RBFOX1: variants seen among roughly 807,000 people sequenced by gnomAD.
RBFOX1 encodes the protein RNA binding protein fox-1 homolog 1.
A neutral mutation model predicts 57.7 loss-of-function variants in RBFOX1; 8 were observed. The ratio of observed to expected loss-of-function variants is 0.14; its 90% CI spans 0.08 to 0.25. The LOEUF (loss-of-function observed/expected upper bound fraction) is 0.25, where lower values mean the gene tolerates loss of function less well. Among genes scored for constraint, RBFOX1 ranks in the 10% least tolerant of loss-of-function variants. RBFOX1 has a pLI of 1.00. For synonymous variants in RBFOX1, 326 were observed against 222.4 expected (o/e 1.47, Z -4.15); for missense variants, 611 against 548.5 (o/e 1.11, Z -1.14).
At chr16:6,185,870 G>T (rs1330554992) in intron 1 of RBFOX1, among the ~76,000 whole-genome samples, 20 of 152,262 alleles carry the variant, frequency 1.3e-4, no homozygotes. Context: ...ACATCCTAAA[G>T]AAGAAGGAAG....
intron 4 of RBFOX1, among the ~76,000 whole-genome samples, chr16:7,473,726 C>G (rs1043130994): frequency 5.3e-5 from 8 of 151,978 alleles, no homozygotes; most frequent in African/African-American, 1.9e-4. Flanking sequence ...TTCTGATTTA[C>G]TAGTATGCTC....
rs1248638526 is a variant in RBFOX1 at position 7,710,844 on chromosome 16, T to C, written c.*99T>C. 1.2e-6 allele frequency: 1 copy of C among 826,720 alleles called. No individual in the cohort carries two copies. The highest frequency in any genetic ancestry group is 1.6e-6 in the Non-Finnish European group (1 of 620,370). 51.2% of individuals were successfully genotyped at this position (826,720 alleles called of 1,614,324 possible). On this transcript the variant is annotated 3_prime_UTR_variant, in exon 16 of 16. Transcript: ENST00000550418. ...CAGTAGTACATCATTTTAGCAACTC[T>C]AAAAAAAAAAAAAATACAAATAAAA...
Position 6,052,042 on chromosome 16 carries a change from C to T in RBFOX1, c.-127+32050C>T, listed in dbSNP as rs190803907. On this transcript the variant is annotated intron_variant, in intron 1 of 15. Transcript: ENST00000550418. ...TCCAGTCCCCATCATGCCAAACAAG[C>T]CTGTTTTATGAAAAACAAAACAGAA... Among the ~76,000 whole-genome samples the T allele has an allele frequency of 2.6e-5, 4 of 152,244 alleles. No homozygotes were observed. The East Asian group carries it at 7.7e-4, about 29-fold the overall frequency.
chr16:5,976,950 C>T (rs959143490), intron 4 of RBFOX1, among the ~76,000 whole-genome samples: 1 of 152,182 alleles, frequency 6.6e-6, no homozygotes, highest in African/African-American at 2.4e-5. Flanking sequence ...TTCCTCTCTG[C>T]TTCCTCCTGC....
intron 1 of RBFOX1, among the ~76,000 whole-genome samples, chr16:6,206,073 T>G (rs1376185535): frequency 6.6e-6 from 1 of 152,068 alleles, no homozygotes; most frequent in Non-Finnish European, 1.5e-5. Context: ...CTGAAAAGTA[T>G]TCAGAAATTG....
chr16:7,590,721 T>C (rs758783479), intron 7 of RBFOX1, among the ~76,000 whole-genome samples: 6 of 151,872 alleles, frequency 4.0e-5, no homozygotes, highest in Non-Finnish European at 8.8e-5. Flanking sequence ...TAGCAGGGTG[T>C]GGTGGTGCAT....
chr16:5,649,503 C>G (rs1377919489), intron 3 of RBFOX1, among the ~76,000 whole-genome samples: 1 of 152,072 alleles, frequency 6.6e-6, no homozygotes, highest in Non-Finnish European at 1.5e-5. Context: ...TTTCTACCAC[C>G]CCACATTGGC....
chr16:6,799,438 A>G (rs61578010), intron 3 of RBFOX1, among the ~76,000 whole-genome samples: 9,499 of 152,178 alleles, frequency 0.062, 999 homozygotes, highest in African/African-American at 0.22. Context: ...ACTTTCTGGA[A>G]AAGAGGGAGT....
At chr16:6,741,594 C>T (rs918510078) in intron 3 of RBFOX1, among the ~76,000 whole-genome samples, 3 of 150,136 alleles carry the variant, frequency 2.0e-5, no homozygotes, top group East Asian at 2.0e-4. Context: ...GCTTGAACTG[C>T]GGAGGTGGAG....
intron 2 of RBFOX1, among the ~76,000 whole-genome samples, chr16:5,514,136 T>A (rs920975785): frequency 2.0e-5 from 3 of 152,176 alleles, no homozygotes; most frequent in African/African-American, 7.2e-5. Context: ...ACTTTATGGT[T>A]CCAAGCAGCA....
At chr16:7,104,963 G>T (rs1012189731) in intron 4 of RBFOX1, among the ~76,000 whole-genome samples, 2 of 150,836 alleles carry the variant, frequency 1.3e-5, no homozygotes, top group Non-Finnish European at 2.9e-5. Context: ...ACGTGCTTCT[G>T]TGCTTGTGTG....
chr16:7,697,120 A>G (rs1568521302), intron 14 of RBFOX1, among the ~76,000 whole-genome samples: 1 of 152,108 alleles, frequency 6.6e-6, no homozygotes, highest in African/African-American at 2.4e-5. Context: ...CTTTGTGGAG[A>G]CCAAACTGCC....
chr16:6,345,647 T>C (rs560027780), intron 2 of RBFOX1, among the ~76,000 whole-genome samples: 2 of 152,296 alleles, frequency 1.3e-5, no homozygotes, highest in Admixed American at 6.5e-5. Flanking sequence ...TGAGGATGTG[T>C]TGGGAGCAAA....
chr16:6,223,585 T>C (rs2097393527), intron 1 of RBFOX1, among the ~76,000 whole-genome samples: 1 of 152,240 alleles, frequency 6.6e-6, no homozygotes, highest in Non-Finnish European at 1.5e-5. Flanking sequence ...GAGTTCATTG[T>C]AGATTCTGGA....
intron 2 of RBFOX1, among the ~76,000 whole-genome samples, chr16:5,568,233 C>T (rs61223114): frequency 6.6e-6 from 1 of 152,208 alleles, no homozygotes; most frequent in African/African-American, 2.4e-5. Context: ...GTATGGGGGC[C>T]TGTGCTGCAT....
chr16:7,457,096 A>T (rs2058678842), intron 4 of RBFOX1, among the ~76,000 whole-genome samples: 1 of 152,000 alleles, frequency 6.6e-6, no homozygotes, highest in Non-Finnish European at 1.5e-5. Context: ...CGTGTTGGTC[A>T]GGCTGGTCTC....
At chr16:6,984,675 C>G (rs779077179) in intron 3 of RBFOX1, among the ~76,000 whole-genome samples, 1 of 152,058 alleles carries the variant, frequency 6.6e-6, no homozygotes. Context: ...GATGGAGTCT[C>G]TGTTGACCAG....
At chr16:7,493,998 T>C (rs1413520171) in intron 4 of RBFOX1, among the ~76,000 whole-genome samples, 4 of 152,328 alleles carry the variant, frequency 2.6e-5, no homozygotes, top group Non-Finnish European at 4.4e-5. Context: ...TGATAAGCAA[T>C]GGCACCTTTT....
At chr16:6,983,154 G>T (rs536556245) in intron 3 of RBFOX1, among the ~76,000 whole-genome samples, 5 of 152,098 alleles carry the variant, frequency 3.3e-5, no homozygotes, top group Admixed American at 6.6e-5. Flanking sequence ...CAGCTTCCTA[G>T]CAGGGATAGC....
Sources: gnomAD v4.1 joint callset for allele counts (sites outside exome capture counted in the v4.1 genomes callset) on GRCh38, gnomAD v4.1.1 for gene constraint, MANE v1.5 for transcripts, NCBI Gene and HGNC (gene_info 2026-07-23, HGNC 2026-07-21) for gene names.